SDK1: variants seen among roughly 807,000 people sequenced by gnomAD.
SDK1 encodes sidekick cell adhesion molecule 1, also known as protein sidekick-1.
In SDK1, 157 loss-of-function variants were observed where a neutral mutation model predicts 245.5. That is an observed-to-expected ratio of 0.64 (90% CI 0.56 to 0.73). The LOEUF (loss-of-function observed/expected upper bound fraction) is 0.73, where lower values mean the gene tolerates loss of function less well. Ranked by LOEUF, SDK1 falls within the 30% of genes least tolerant of loss-of-function variation. The pLI, the probability that SDK1 is intolerant of heterozygous loss-of-function variation, is 0.00. For synonymous variants in SDK1, 1,647 were observed against 1,278.5 expected, an observed-to-expected ratio of 1.29 and a Z score of -6.15; for missense variants, 3,583 against 3,002.3, an observed-to-expected ratio of 1.19 and a Z score of -4.52.
chr7:3,916,220 A>C (rs370293691), intron 5 of SDK1, among the ~76,000 whole-genome samples: 97 of 152,360 alleles, frequency 6.4e-4, no homozygotes, highest in African/African-American at 2.2e-3. Context: ...ACCAGCCCTC[A>C]GTGGATCTAC....
At chr7:4,129,819 T>G (rs1784672944) in intron 26 of SDK1, 89 bp from the exon 27 acceptor site, 2 of 1,572,204 alleles carry the variant, frequency 1.3e-6, no homozygotes, top group South Asian at 2.3e-5. Context: ...TGGCTGGGCC[T>G]TGATTCACGA....
intron 1 of SDK1, among the ~76,000 whole-genome samples, chr7:3,347,115 C>G (rs542605416): frequency 2.4e-4 from 37 of 151,762 alleles, no homozygotes; most frequent in Non-Finnish European, 4.6e-4. Context: ...CATGCCATTC[C>G]CTCTGCTTGC....
At chr7:3,495,224 C>G (rs1037513705) in intron 1 of SDK1, among the ~76,000 whole-genome samples, 2 of 143,312 alleles carry the variant, frequency 1.4e-5, no homozygotes, top group African/African-American at 2.6e-5. Flanking sequence ...AGGCCCCTTT[C>G]TGTTCTGAGC....
chr7:3,824,343 G>T (rs146422653), intron 5 of SDK1, among the ~76,000 whole-genome samples: 333 of 152,304 alleles, frequency 2.2e-3, no homozygotes, highest in African/African-American at 7.3e-3. Context: ...AAAATCAAAA[G>T]ATATTACAGC....
At chr7:3,670,351 C>G (rs1199430120) in intron 4 of SDK1, among the ~76,000 whole-genome samples, 5 of 152,160 alleles carry the variant, frequency 3.3e-5, no homozygotes, top group Non-Finnish European at 7.3e-5. Context: ...CAGCCACAGC[C>G]ACTTTGGTAT....
intron 1 of SDK1, among the ~76,000 whole-genome samples, chr7:3,522,509 C>G (rs1233505382): frequency 6.6e-6 from 1 of 151,866 alleles, no homozygotes; most frequent in Non-Finnish European, 1.5e-5. Flanking sequence ...TCCTTGGATG[C>G]AGGGTGTTTG....
At chr7:4,029,228 T>TTTTTTTGTGTG (rs746967075) in intron 17 of SDK1, among the ~76,000 whole-genome samples, 6 of 112,072 alleles carry the variant, frequency 5.4e-5, no homozygotes, top group African/African-American at 3.0e-4. Flanking sequence ...TTTTTTTTTT[T>TTTTTTTGTGTG]TGTGAAGAAG....
intron 1 of SDK1, among the ~76,000 whole-genome samples, chr7:3,461,177 A>G (rs1405006549): frequency 1.3e-5 from 2 of 152,164 alleles, no homozygotes; most frequent in South Asian, 2.1e-4. Flanking sequence ...TGCAGACCCT[A>G]GGACCCAGCA....
rs201132659 is a variant in SDK1 at position 4,233,333 on chromosome 7, G to A, written c.5906G>A (p.Arg1969Gln). Residue 1969 changes from arginine to glutamine, a missense_variant, in exon 41 of 45, where the codon CGG (arginine) becomes CAG (glutamine). Transcript: ENST00000404826. ...TACACCCTCAGCCTGGATAAGCTCCGGCAAGGAGTGACTTACGAGTTCCGG... is the reference window on the plus strand; with the variant it reads ...TACACCCTCAGCCTGGATAAGCTCCAGCAAGGAGTGACTTACGAGTTCCGG... ...TSYTLSLDKL[R>Q]QGVTYEFRVV... 96 of 1,613,824 alleles carry A rather than the reference G, an allele frequency of 5.9e-5. No homozygotes were observed. The highest frequency in any genetic ancestry group is 3.3e-5 in the South Asian group (3 of 91,092).
At chr7:3,723,656 A>AG (rs1343090423) in intron 4 of SDK1, among the ~76,000 whole-genome samples, 1 of 140,316 alleles carries the variant, frequency 7.1e-6, no homozygotes, top group African/African-American at 2.9e-5. Flanking sequence ...AGTAAGTAAA[A>AG]GTTGTGTGTG....
chr7:4,148,716 G>C (rs7792297), intron 29 of SDK1, among the ~76,000 whole-genome samples: 1 of 152,192 alleles, frequency 6.6e-6, no homozygotes, highest in Non-Finnish European at 1.5e-5. Flanking sequence ...GTGTGGCTTT[G>C]TTCCTGTCTG....
chr7:3,320,048 T>C (rs1779762931), intron 1 of SDK1, among the ~76,000 whole-genome samples: 1 of 151,930 alleles, frequency 6.6e-6, no homozygotes, highest in African/African-American at 2.4e-5. Context: ...ATCACAATTC[T>C]TCTACACTTT....
intron 4 of SDK1, among the ~76,000 whole-genome samples, chr7:3,728,434 C>T (rs547879032): frequency 6.6e-6 from 1 of 152,320 alleles, no homozygotes; most frequent in East Asian, 1.9e-4. Context: ...CTCACCACCT[C>T]TTAGCTGAGT....
At chr7:3,950,674 A>G (rs1030739678) in intron 5 of SDK1, among the ~76,000 whole-genome samples, 1 of 152,184 alleles carries the variant, frequency 6.6e-6, no homozygotes, top group Non-Finnish European at 1.5e-5. Context: ...ATCGGAAGTC[A>G]AAACGCGCTT....
At chr7:3,965,040 C>T (rs1016351207) in intron 9 of SDK1, among the ~76,000 whole-genome samples, 21 of 152,282 alleles carry the variant, frequency 1.4e-4, no homozygotes, top group African/African-American at 5.1e-4. Context: ...CGTTCTTGAG[C>T]AGGGATTGAC....
At chr7:4,208,967 G>T (rs1262603600) in intron 37 of SDK1, among the ~76,000 whole-genome samples, 1 of 152,324 alleles carries the variant, frequency 6.6e-6, no homozygotes, top group South Asian at 2.1e-4. Flanking sequence ...GTAGGATTCT[G>T]GAAGTCTGAG....
rs190789455 is a variant in SDK1 at position 4,080,497 on chromosome 7, C to T, written c.3324+913C>T. On this transcript the variant is annotated intron_variant, in intron 22 of 44. Coordinates refer to ENST00000404826, the MANE Select transcript of SDK1 (RefSeq NM_152744.4). ...TTATGCTATACTGCAAGACGATCCA[C>T]TCCTGGAAATTGGCCGTAAATTAGG... Among the ~76,000 whole-genome samples, 3 of 152,300 alleles carry T rather than the reference C, an allele frequency of 2.0e-5. No individual in the cohort carries two copies. The East Asian group carries it at 5.8e-4, about 29-fold the overall frequency.
chr7:4,169,738 G>C (rs1781722459), intron 32 of SDK1, among the ~76,000 whole-genome samples: 1 of 152,174 alleles, frequency 6.6e-6, no homozygotes, highest in Admixed American at 6.5e-5. Context: ...AGTGTGAGGA[G>C]ACAGGTGCAG....
chr7:3,494,047 A>G (rs1583946630), intron 1 of SDK1, among the ~76,000 whole-genome samples: 1 of 149,680 alleles, frequency 6.7e-6, no homozygotes, highest in Admixed American at 6.7e-5. Context: ...GAAAAGTCAG[A>G]TTTTTTTTTT....
Sources: allele counts gnomAD v4.1 joint callset (sites outside exome capture counted in the v4.1 genomes callset), GRCh38; gene constraint gnomAD v4.1.1; transcripts MANE v1.5; gene names NCBI Gene and HGNC (gene_info 2026-07-23, HGNC 2026-07-21).